Variants in STK32B observed in about 807,000 individuals in gnomAD.
STK32B encodes serine/threonine kinase 32B.
A neutral mutation model predicts 52.6 loss-of-function variants in STK32B; 43 were observed. The observed-to-expected ratio is 0.82, with a 90% CI of 0.64 to 1.05. The LOEUF (loss-of-function observed/expected upper bound fraction) is 1.05, where lower values mean the gene tolerates loss of function less well. Ranked by LOEUF, STK32B falls within the 50% of genes least tolerant of loss-of-function variation. STK32B has a pLI of 0.00. For synonymous variants in STK32B, 238 were observed against 204.3 expected (o/e 1.17, Z -1.41); for missense variants, 621 against 534.6 (o/e 1.16, Z -1.59).
intron 3 of STK32B, among the ~76,000 whole-genome samples, chr4:5,249,117 C>G (rs1028322936): frequency 1.3e-5 from 2 of 152,126 alleles, no homozygotes; most frequent in Non-Finnish European, 2.9e-5. Context: ...CTTTCTGTAT[C>G]AATACTTTTG....
At position 5,089,698 on chromosome 4, in the gene STK32B, T is replaced by C. The variant is rs537193651; in HGVS notation, c.52+37783T>C. On this transcript the variant is annotated intron_variant, in intron 1 of 11. Transcript: ENST00000282908. ...TGTGTCTTTATAGTACAATGATTTA[T>C]ATTCCTTTGAGTATATACCTAGTAA... Among the ~76,000 whole-genome samples the C allele has an allele frequency of 7.9e-5, 12 of 152,344 alleles. No homozygotes were observed. In the East Asian group the frequency reaches 2.3e-3, roughly 29 times the overall value.
At chr4:5,189,966 T>C (rs922980504) in intron 3 of STK32B, among the ~76,000 whole-genome samples, 2 of 152,168 alleles carry the variant, frequency 1.3e-5, no homozygotes, top group Non-Finnish European at 2.9e-5. Flanking sequence ...GCTCAGTAAG[T>C]AGTTGTCGAA....
chr4:5,265,518 G>T (rs1727003552), intron 3 of STK32B, among the ~76,000 whole-genome samples: 1 of 152,144 alleles, frequency 6.6e-6, no homozygotes, highest in East Asian at 1.9e-4. Flanking sequence ...AAATGATGGG[G>T]TCCCAGGTTT....
At chr4:5,119,110 G>T (rs1192425648) in intron 1 of STK32B, among the ~76,000 whole-genome samples, 1 of 152,188 alleles carries the variant, frequency 6.6e-6, no homozygotes, top group Admixed American at 6.5e-5. Context: ...TAAGGTTATT[G>T]TGTCCCCCAA....
intron 2 of STK32B, among the ~76,000 whole-genome samples, chr4:5,151,094 T>C (rs1482410390): frequency 6.6e-6 from 1 of 152,200 alleles, no homozygotes; most frequent in Non-Finnish European, 1.5e-5. Context: ...AATGGATCTT[T>C]TGAGAAATAT....
intron 4 of STK32B, among the ~76,000 whole-genome samples, chr4:5,331,920 G>A (rs1033269858): frequency 4.6e-5 from 7 of 152,148 alleles, no homozygotes; most frequent in African/African-American, 1.7e-4. Flanking sequence ...TCCTACACAG[G>A]TGAGCAAAGT....
At chr4:5,070,627 A>C (rs1711708916) in intron 1 of STK32B, among the ~76,000 whole-genome samples, 1 of 152,220 alleles carries the variant, frequency 6.6e-6, no homozygotes, top group Non-Finnish European at 1.5e-5. Context: ...TGGGCCCAAT[A>C]CAATCCAAGT....
At chr4:5,308,880 TAC>T (rs1276998471) in intron 3 of STK32B, among the ~76,000 whole-genome samples, 3 of 152,100 alleles carry the variant, frequency 2.0e-5, no homozygotes, top group Admixed American at 2.0e-4. Context: ...TTAAACTTAG[TAC>T]TAAATGTCCT....
chr4:5,266,184 A>G (rs1387710051), intron 3 of STK32B, among the ~76,000 whole-genome samples: 4 of 152,230 alleles, frequency 2.6e-5, no homozygotes, highest in African/African-American at 9.6e-5. Flanking sequence ...CCCAATAATA[A>G]TAACAACAGC....
intron 4 of STK32B, among the ~76,000 whole-genome samples, chr4:5,331,733 A>G (rs987348555): frequency 6.6e-6 from 1 of 152,030 alleles, no homozygotes; most frequent in African/African-American, 2.4e-5. Context: ...GTGAGCTGGG[A>G]GTGTGAGGGA....
At chr4:5,106,105 C>T (rs1714093841) in intron 1 of STK32B, among the ~76,000 whole-genome samples, 1 of 151,608 alleles carries the variant, frequency 6.6e-6, no homozygotes, top group Non-Finnish European at 1.5e-5. Context: ...GAGTTCGAGA[C>T]CAGGCTAGCC....
rs143984105 is a variant in STK32B, at chr4:5,206,061, A to T, written c.260+37611A>T. Among the ~76,000 whole-genome samples the T allele has an allele frequency of 4.5e-3, 690 of 152,296 alleles. 6 individuals are homozygous for T. Among genetic ancestry groups the T allele is most frequent in the Middle Eastern group, 0.024 (7 of 294 alleles). ...AAGTTGAACCAAAAATCTTTATAGT[A>T]CTACACCAACAGATTTGGTCTAGAG... On this transcript the variant is annotated intron_variant, in intron 3 of 11. Transcript: ENST00000282908.
the STK32B span, among the ~76,000 whole-genome samples, chr4:5,020,250 G>A: frequency 2.0e-5 from 3 of 152,150 alleles, no homozygotes; most frequent in Non-Finnish European, 2.9e-5. Flanking sequence ...CCACTTAGAC[G>A]CCGTGGGTGC....
intron 3 of STK32B, among the ~76,000 whole-genome samples, chr4:5,284,018 C>T (rs1336625576): frequency 1.3e-5 from 2 of 152,044 alleles, no homozygotes; most frequent in African/African-American, 4.8e-5. Flanking sequence ...AGGGTTACAA[C>T]ACAAGACTAT....
At chr4:5,093,388 T>C (rs1002340251) in intron 1 of STK32B, among the ~76,000 whole-genome samples, 3 of 152,216 alleles carry the variant, frequency 2.0e-5, no homozygotes, top group African/African-American at 7.2e-5. Context: ...TGTAAAAATT[T>C]CATAGCCACC....
At chr4:5,276,502 T>C (rs1727834181) in intron 3 of STK32B, among the ~76,000 whole-genome samples, 1 of 152,102 alleles carries the variant, frequency 6.6e-6, no homozygotes, top group Non-Finnish European at 1.5e-5. Flanking sequence ...CAGTGTCTCT[T>C]ATGTCAAATC....
At chr4:5,213,448 A>G (rs1002146869) in intron 3 of STK32B, among the ~76,000 whole-genome samples, 2 of 152,228 alleles carry the variant, frequency 1.3e-5, no homozygotes, top group Non-Finnish European at 2.9e-5. Context: ...TTGGAGCCTA[A>G]TAACTAAAAC....
At chr4:5,027,578 T>C in the STK32B span, among the ~76,000 whole-genome samples, 1 of 152,254 alleles carries the variant, frequency 6.6e-6, no homozygotes, top group Non-Finnish European at 1.5e-5. Context: ...TTATACCACT[T>C]ATTGCACAGT....
In STK32B at chr4:5,152,706, CA is replaced by C. The variant is rs571027279; in HGVS notation, c.108+12747del. Among the ~76,000 whole-genome samples, 4 of 152,394 alleles carry C rather than the reference CA, an allele frequency of 2.6e-5. No individual in the cohort carries two copies. The East Asian group carries it at 7.7e-4, about 29-fold the overall frequency. On this transcript the variant is annotated intron_variant, in intron 2 of 11. Transcript: ENST00000282908. ...TGCCCGTGCAGCATTGCCTGTCCTG[CA>C]CCTTTGGCTTGCTCTTTGCAGGCCA...
Sources: allele counts gnomAD v4.1 joint callset (sites outside exome capture counted in the v4.1 genomes callset), GRCh38; gene constraint gnomAD v4.1.1; transcripts MANE v1.5; gene names NCBI Gene and HGNC (gene_info 2026-07-23, HGNC 2026-07-21).